The following RCL1 variants were observed in gnomAD, a reference collection of about 807,000 sequenced individuals.
The protein encoded by RCL1 is RNA 3'-terminal phosphate cyclase-like protein.
Under a neutral mutation model 42.4 loss-of-function variants are expected in RCL1, and 24 were observed. The observed-to-expected ratio is 0.57, with a 90% CI of 0.41 to 0.80. The LOEUF (loss-of-function observed/expected upper bound fraction) is 0.80, where lower values mean the gene tolerates loss of function less well. RCL1 is among the 30% of genes least tolerant of loss of function. The probability of loss-of-function intolerance (pLI) is 0.00; values close to 1 mark genes in which losing one functional copy is unlikely to be tolerated. For synonymous variants in RCL1, 228 were observed against 177.3 expected, an observed-to-expected ratio of 1.29 and a Z score of -2.27; for missense variants, 578 against 467.9, an observed-to-expected ratio of 1.24 and a Z score of -2.17.
chr9:4,811,566 G>C (rs1315489905), intron 1 of RCL1, among the ~76,000 whole-genome samples: 1 of 152,094 alleles, frequency 6.6e-6, no homozygotes, highest in African/African-American at 2.4e-5. Context: ...TTCTACAAAA[G>C]CCTCTTCATG....
At chr9:4,855,052 CAA>C (rs774233424) in intron 8 of RCL1, among the ~76,000 whole-genome samples, 2 of 59,832 alleles carry the variant, frequency 3.3e-5, no homozygotes, top group Non-Finnish European at 3.1e-5. Flanking sequence ...GACTCCGTCT[CAA>C]AAAAAAAAAA....
intron 1 of RCL1, among the ~76,000 whole-genome samples, chr9:4,815,687 C>G (rs1816348946): frequency 6.6e-6 from 1 of 151,924 alleles, no homozygotes; most frequent in Admixed American, 6.6e-5. Context: ...CACACTCCAG[C>G]CATAGTTCTA....
chr9:4,819,326 A>G (rs1816502926), intron 1 of RCL1, among the ~76,000 whole-genome samples: 1 of 152,240 alleles, frequency 6.6e-6, no homozygotes. Context: ...GATCTGATCT[A>G]TGAAACTGGA....
Position 4,849,462 on chromosome 9 carries a change from T to C in RCL1, c.883T>C (p.Ser295Pro), listed in dbSNP as rs746207588. The C allele has an allele frequency of 1.2e-6, 2 of 1,613,984 alleles. No individual in the cohort carries two copies. The highest frequency in any genetic ancestry group is 4.5e-5 in the East Asian group (2 of 44,886). The stretch of plus-strand genomic sequence containing the variant: ...GTGTTTACAGGGTGGATGCGTAGAC[T>C]CGACCAACCAAAGCCTGGCGCTACT... ...EEIYRGGCVD[S>P]TNQSLALLLM... Residue 295 changes from serine to proline, a missense_variant, in exon 8 of 9, where the codon TCG becomes CCG. Ser to Pro is a moderately conservative substitution (Grantham distance 74). Transcript: ENST00000381750.
intron 8 of RCL1, among the ~76,000 whole-genome samples, chr9:4,859,791 C>T (rs1452674293): frequency 6.6e-6 from 1 of 152,100 alleles, no homozygotes; most frequent in African/African-American, 2.4e-5. Context: ...TAGTGAGACC[C>T]CATCTCTTAT....
intron 8 of RCL1, among the ~76,000 whole-genome samples, chr9:4,859,154 G>A (rs921843847): frequency 6.6e-6 from 1 of 152,204 alleles, no homozygotes; most frequent in Non-Finnish European, 1.5e-5. Flanking sequence ...AGAAGCCTGT[G>A]CACCTGCACT....
At chr9:4,839,388 C>T (rs1049924796) in intron 5 of RCL1, 1 of 152,170 alleles carries the variant, frequency 6.6e-6, no homozygotes, top group Non-Finnish European at 1.5e-5. Flanking sequence ...AACTCGGAGC[C>T]ATGGCCCTCA....
At chr9:4,799,604 C>T (rs1842965940) in intron 1 of RCL1, among the ~76,000 whole-genome samples, 1 of 152,136 alleles carries the variant, frequency 6.6e-6, no homozygotes, top group African/African-American at 2.4e-5. Context: ...TCTTTAATTT[C>T]TGTAATTTTG....
intron 3 of RCL1, among the ~76,000 whole-genome samples, chr9:4,831,255 C>G (rs544862418): frequency 1.3e-5 from 2 of 152,172 alleles, no homozygotes; most frequent in Non-Finnish European, 2.9e-5. Context: ...TGGCTTCACT[C>G]TTTGTGACTC....
In RCL1 at chr9:4,834,204, A is replaced by T. The variant is rs1023997865; in HGVS notation, c.523A>T (p.Lys175Ter). ...GEVVFSCPVR[K>*]VLKPIQLTDP... Reference sequence around the variant, plus strand: ...AGTGGTTTTCTCATGTCCTGTGAGGAAGGTCTTGAAGCCCATTCAACTCAC... The same window carrying T: ...AGTGGTTTTCTCATGTCCTGTGAGGTAGGTCTTGAAGCCCATTCAACTCAC... Residue 175 changes from lysine to a stop codon, truncating the protein, a stop_gained, in exon 5 of 9, where the codon AAG (lysine) becomes TAG (stop). Transcript: ENST00000381750. LOFTEE classifies it high-confidence loss of function. 6.2e-7 allele frequency: 1 copy of T among 1,613,734 alleles called. No homozygotes were observed. The highest frequency in any genetic ancestry group is 8.5e-7 in the Non-Finnish European group (1 of 1,179,768).
At chr9:4,819,292 C>T (rs910280842) in intron 1 of RCL1, among the ~76,000 whole-genome samples, 2 of 152,196 alleles carry the variant, frequency 1.3e-5, no homozygotes, top group African/African-American at 2.4e-5. Flanking sequence ...GTTCATGGTC[C>T]TATGAGAATC....
intron 1 of RCL1, among the ~76,000 whole-genome samples, chr9:4,806,997 C>A (rs1205376989): frequency 6.6e-6 from 1 of 152,074 alleles, no homozygotes; most frequent in Admixed American, 6.5e-5. Context: ...AGAAGTGGTC[C>A]GTTTCATCTA....
chr9:4,849,036 T>A (rs1397982467), intron 7 of RCL1, among the ~76,000 whole-genome samples: 1 of 152,084 alleles, frequency 6.6e-6, no homozygotes, highest in South Asian at 2.1e-4. Flanking sequence ...TCAATAAATA[T>A]GAGCGTCATC....
At chr9:4,850,966 C>T (rs1817726023) in intron 8 of RCL1, among the ~76,000 whole-genome samples, 1 of 152,020 alleles carries the variant, frequency 6.6e-6, no homozygotes, top group Non-Finnish European at 1.5e-5. Context: ...GGTCCTGGGG[C>T]ATGGGGTTTG....
intron 1 of RCL1, among the ~76,000 whole-genome samples, chr9:4,822,628 G>A (rs551424256): frequency 3.9e-5 from 6 of 152,120 alleles, no homozygotes; most frequent in African/African-American, 1.4e-4. Flanking sequence ...GACCAGCCTG[G>A]TGAATATAAC....
rs408513 is a variant in RCL1, at chr9:4,821,388, G to T, written c.137-2160G>T. Among the ~76,000 whole-genome samples the T allele has an allele frequency of 1.2e-3, 189 of 152,124 alleles. 1 individual carries two copies. Among genetic ancestry groups the T allele is most frequent in the East Asian group, 2.9e-3 (15 of 5,180 alleles). ...CTTGGGTCTCAGTGTCATTTGACTA[G>T]GGCAATCTAGTTGGCATTCTTGGAT... On this transcript the variant is annotated intron_variant, in intron 1 of 8. Coordinates refer to ENST00000381750, the MANE Select transcript of RCL1 (RefSeq NM_005772.5).
In RCL1 at chr9:4,844,519, C is replaced by A; in HGVS notation, c.711-6C>A. On this transcript the variant is annotated splice_region_variant and splice_polypyrimidine_tract_variant and intron_variant, in intron 6 of 8. Coordinates refer to ENST00000381750, the MANE Select transcript of RCL1 (RefSeq NM_005772.5). ...CTACTCAGTGTTTGTGCCTTTGTAT[C>A]TCCAGGTCTCCGGGCTTTGGGTTGT... The A allele has an allele frequency of 6.2e-7, 1 of 1,608,176 alleles. No individual in the cohort carries two copies. The highest frequency in any genetic ancestry group is 8.5e-7 in the Non-Finnish European group (1 of 1,176,910).
chr9:4,815,935 G>A (rs1389351213), intron 1 of RCL1, among the ~76,000 whole-genome samples: 1 of 152,084 alleles, frequency 6.6e-6, no homozygotes, highest in Admixed American at 6.5e-5. Flanking sequence ...CCTGATTGGG[G>A]ATTGGGGTGA....
intron 8 of RCL1, among the ~76,000 whole-genome samples, chr9:4,854,428 G>A (rs941433499): frequency 6.6e-6 from 1 of 152,150 alleles, no homozygotes; most frequent in Non-Finnish European, 1.5e-5. Context: ...TCAACTTCCA[G>A]AGCATGTCCT....
Sources: gnomAD v4.1 joint callset for allele counts (sites outside exome capture counted in the v4.1 genomes callset) on GRCh38, gnomAD v4.1.1 for gene constraint, MANE v1.5 for transcripts, NCBI Gene and HGNC (gene_info 2026-07-23, HGNC 2026-07-21) for gene names.